The following SMPD3 variants were observed in gnomAD, a reference collection of about 807,000 sequenced individuals.
SMPD3 encodes sphingomyelin phosphodiesterase 3, also known as nSMase-2.
A neutral mutation model predicts 55.7 loss-of-function variants in SMPD3; 21 were observed. The observed-to-expected ratio is 0.38, with a 90% CI of 0.27 to 0.54. The LOEUF (loss-of-function observed/expected upper bound fraction) is 0.54. Ranked by LOEUF, SMPD3 falls within the 20% of genes least tolerant of loss-of-function variation. The pLI, the probability that SMPD3 is intolerant of heterozygous loss-of-function variation, is 0.80. For synonymous variants in SMPD3, 457 were observed against 404.3 expected (o/e 1.13, Z -1.56); for missense variants, 842 against 899.6 (o/e 0.94, Z 0.82).
In SMPD3 at chr16:68,400,753, G is replaced by A. The variant is rs545111431; in HGVS notation, c.-268-14094C>T. Among the ~76,000 whole-genome samples, 54 of 152,300 alleles carry A rather than the reference G, an allele frequency of 3.5e-4. 1 individual carries two copies. The highest frequency in any genetic ancestry group is 3.4e-3 in the Middle Eastern group (1 of 294). On this transcript the variant is annotated intron_variant, in intron 1 of 8. Transcript: ENST00000219334. ...CCCGACAAAGGTGCCTAGACACCTG[G>A]AACACTGCTCTGTTCAAAACCAAAC...
chr16:68,431,943 A>G (rs552567711), intron 1 of SMPD3, among the ~76,000 whole-genome samples: 2 of 151,718 alleles, frequency 1.3e-5, no homozygotes, highest in Admixed American at 1.3e-4. Flanking sequence ...ACAAAACAAA[A>G]CAAAAAAACC....
intron 1 of SMPD3, among the ~76,000 whole-genome samples, chr16:68,430,199 A>G (rs998004919): frequency 2.0e-5 from 3 of 150,366 alleles, no homozygotes; most frequent in African/African-American, 7.4e-5. Flanking sequence ...AGCCACTAAC[A>G]TACTCCCCTC....
chr16:68,435,584 A>G (rs547104520), intron 1 of SMPD3, among the ~76,000 whole-genome samples: 2 of 152,218 alleles, frequency 1.3e-5, no homozygotes, highest in Admixed American at 1.3e-4. Context: ...GGGCCTGGGA[A>G]AGGCACGGTG....
intron 1 of SMPD3, among the ~76,000 whole-genome samples, chr16:68,436,750 T>G (rs577952216): frequency 2.0e-5 from 3 of 152,362 alleles, no homozygotes; most frequent in Middle Eastern, 3.4e-3. Context: ...ACATGGCTGC[T>G]TGGACCACAC....
intron 1 of SMPD3, among the ~76,000 whole-genome samples, chr16:68,419,550 T>C (rs530824173): frequency 6.6e-6 from 1 of 152,348 alleles, no homozygotes; most frequent in Non-Finnish European, 1.5e-5. Context: ...TGACTGTCTT[T>C]CCTCAAATCC....
At chr16:68,432,115 CA>C (rs577479798) in intron 1 of SMPD3, among the ~76,000 whole-genome samples, 38 of 144,068 alleles carry the variant, frequency 2.6e-4, no homozygotes, top group Admixed American at 4.1e-4. Flanking sequence ...CTCTGTCTCG[CA>C]AAAAAAAAAA....
In SMPD3 at chr16:68,365,088, T is replaced by C. The variant is rs780947083; in HGVS notation, c.1328A>G (p.Gln443Arg). 3.1e-6 allele frequency: 5 copies of C among 1,613,894 alleles called. No homozygotes were observed. In the African/African-American group the frequency reaches 4.0e-5, roughly 13 times the overall value. ...TTGGTCCTGAGGTGTGCTTCCCACC[T>C]GCACCTGGGGGAGGAGGGGGTCAGT... ...ASKGALFLKVQVGSTPQDQRI... is the reference protein window; with the variant it reads ...ASKGALFLKVRVGSTPQDQRI... The change falls in exon 4 of 9, where the codon CAG becomes CGG. Residue 443 changes from glutamine (Q) to arginine (R), a missense_variant. By Grantham distance (43) the Gln-to-Arg change is conservative (BLOSUM62 1). Transcript: ENST00000219334.
At chr16:68,445,434 A>G (rs955044878) in intron 1 of SMPD3, among the ~76,000 whole-genome samples, 1 of 152,240 alleles carries the variant, frequency 6.6e-6, no homozygotes, top group Admixed American at 6.5e-5. Context: ...AAACATTTCC[A>G]TAGAGGTGAA....
rs778884998 is a variant in SMPD3 at position 68,371,434 on chromosome 16, C to G, written c.748G>C (p.Glu250Gln). 1.3e-6 allele frequency: 2 copies of G among 1,578,038 alleles called. No individual in the cohort carries two copies. The change falls in exon 3 of 9, where the codon GAG (glutamate) becomes CAG (glutamine). Residue 250 changes from glutamate (E) to glutamine (Q), a missense_variant. Coordinates refer to ENST00000219334, the MANE Select transcript of SMPD3 (RefSeq NM_018667.4). ...GCTTCAGGTGGCCGGCCGCCCTCCT[C>G]GCCACCGATGCGCACGATGCAGGCA... is the stretch of plus-strand genomic sequence containing the variant. ...EDACIVRIGG[E>Q]EGGRPPEADD...
Position 68,361,617 on chromosome 16 carries a change from G to T in SMPD3, c.1852C>A (p.Pro618Thr). 6.2e-7 allele frequency: 1 copy of T among 1,608,874 alleles called. No homozygotes were observed. Reference sequence around the variant, plus strand: ...TCCTGACTCACGGCCTTCCAGTCTGGGCACAGCCCCTCCTCTGCATGCAGC... The same window carrying T: ...TCCTGACTCACGGCCTTCCAGTCTGTGCACAGCCCCTCCTCTGCATGCAGC... The part of the protein sequence containing the change: ...YMLHAEEGLC[P>T]DWKAEVEEFS... The change falls in exon 8 of 9, where the codon CCA becomes ACA. Residue 618 changes from proline to threonine, a missense_variant. Physicochemically the swap from Pro to Thr is conservative, Grantham distance 38. Around this residue, in one of 2 missense-constraint regions of SMPD3, gnomAD observed 649 missense variants for 643.6 expected, o/e 1.01. Transcript: ENST00000219334.
chr16:68,392,555 A>G (rs910008666), intron 1 of SMPD3, among the ~76,000 whole-genome samples: 1 of 152,184 alleles, frequency 6.6e-6, no homozygotes, highest in Non-Finnish European at 1.5e-5. Flanking sequence ...TGATAACATT[A>G]GCGTTCTTAT....
chr16:68,429,107 T>C (rs943760211), intron 1 of SMPD3, among the ~76,000 whole-genome samples: 1 of 152,138 alleles, frequency 6.6e-6, no homozygotes, highest in Non-Finnish European at 1.5e-5. Context: ...AGACTCGGAG[T>C]TGGCCCCAGC....
intron 5 of SMPD3, 44 bp from the exon 6 acceptor site, chr16:68,363,910 C>T (rs1824239770): frequency 6.7e-7 from 1 of 1,501,234 alleles, no homozygotes; most frequent in Non-Finnish European, 9.0e-7. Flanking sequence ...GGGGGCTTTG[C>T]TGTCCCACAC....
chr16:68,372,396 A>G lies in SMPD3; in HGVS notation c.-206-9T>C. ...GAGGCCTACTGCAGACCCTGCAGAG[A>G]CAAAAGTAGGGGGACTGTTTTTAGT... On this transcript the variant is annotated splice_polypyrimidine_tract_variant and intron_variant, in intron 2 of 8. Transcript: ENST00000219334. 1.6e-6 allele frequency: 1 copy of G among 619,684 alleles called. No homozygotes were observed. The highest frequency in any genetic ancestry group is 2.8e-6 in the Non-Finnish European group (1 of 355,332). The allele number at this position is 619,684 out of a possible 1,614,324, so 38.4% of individuals were successfully genotyped here.
rs371490504 is a variant in SMPD3, at chr16:68,373,857, G to T, written c.-206-1470C>A. 1.1e-3 allele frequency among the ~76,000 whole-genome samples: 165 copies of T among 152,200 alleles called. 2 individuals are homozygous for T. Among genetic ancestry groups the T allele is most frequent in the African/African-American group, 3.3e-3 (139 of 41,536 alleles). On this transcript the variant is annotated intron_variant, in intron 2 of 8. Transcript: ENST00000219334. ...CTGCAGCCCCCTCCCCTGGACGCCC[G>T]CCTCTCACTTGTGTCCCGTCCCTGC...
chr16:68,362,250 C>G (rs1218521459), intron 7 of SMPD3, among the ~76,000 whole-genome samples: 7 of 152,218 alleles, frequency 4.6e-5, no homozygotes, highest in Admixed American at 1.3e-4. Flanking sequence ...GTTACCAAGC[C>G]TCCAAGCCTC....
At chr16:68,389,576 G>A (rs2090093377) in intron 1 of SMPD3, among the ~76,000 whole-genome samples, 1 of 152,222 alleles carries the variant, frequency 6.6e-6, no homozygotes, top group South Asian at 2.1e-4. Context: ...CACCTAGGAG[G>A]TTGATTTATT....
At chr16:68,413,103 G>C (rs770600267) in intron 1 of SMPD3, among the ~76,000 whole-genome samples, 1 of 152,246 alleles carries the variant, frequency 6.6e-6, no homozygotes, top group African/African-American at 2.4e-5. Context: ...GGCCTATGTG[G>C]AATGCCTGCT....
intron 1 of SMPD3, among the ~76,000 whole-genome samples, chr16:68,420,892 G>A (rs1176245809): frequency 6.6e-6 from 1 of 152,244 alleles, no homozygotes; most frequent in Non-Finnish European, 1.5e-5. Context: ...CTAATGCAGA[G>A]AGAGACCAAA....
Sources: gnomAD v4.1 joint callset for allele counts (sites outside exome capture counted in the v4.1 genomes callset) on GRCh38, gnomAD v4.1.1 for gene constraint, gnomAD v4.1.1 regional missense constraint, MANE v1.5 for transcripts, NCBI Gene and HGNC (gene_info 2026-07-23, HGNC 2026-07-21) for gene names.